SDK1: variants seen among roughly 807,000 people sequenced by gnomAD.
The protein encoded by SDK1 is protein sidekick-1.
Under a neutral mutation model 245.5 loss-of-function variants are expected in SDK1, and 157 were observed. That is an observed-to-expected ratio of 0.64 (90% CI 0.56 to 0.73). The LOEUF (loss-of-function observed/expected upper bound fraction) is 0.73. Among genes scored for constraint, SDK1 ranks in the 30% least tolerant of loss-of-function variants. The pLI is 0.00. For missense variants in SDK1, 3,583 were observed against 3,002.3 expected (o/e 1.19, Z -4.52); for synonymous variants, 1,647 against 1,278.5 (o/e 1.29, Z -6.15).
chr7:3,876,512 G>A (rs1781080391), intron 5 of SDK1, among the ~76,000 whole-genome samples: 2 of 152,118 alleles, frequency 1.3e-5, no homozygotes, highest in African/African-American at 4.8e-5. Flanking sequence ...TTAGAAACTG[G>A]TTCTAGGAAG....
At chr7:4,242,543 C>A (rs1199842898) in intron 43 of SDK1, among the ~76,000 whole-genome samples, 1 of 151,992 alleles carries the variant, frequency 6.6e-6, no homozygotes, top group Non-Finnish European at 1.5e-5. Context: ...GTACCCTTGA[C>A]CAAGGAGAAG....
At chr7:4,049,513 C>G in intron 18 of SDK1, 50 bp downstream of exon 18, 1 of 1,412,742 alleles carries the variant, frequency 7.1e-7, no homozygotes, top group Non-Finnish European at 1.0e-6. Flanking sequence ...TGTCTGGAGC[C>G]ACAGCGCGAC....
At chr7:3,674,374 G>GA (rs1461076356) in intron 4 of SDK1, among the ~76,000 whole-genome samples, 1 of 152,154 alleles carries the variant, frequency 6.6e-6, no homozygotes, top group African/African-American at 2.4e-5. Flanking sequence ...GAGACCTAGA[G>GA]AGGGCTGCTA....
chr7:3,933,123 C>CTTTTTTTTTTTTTTTTTTTT (rs11364780), intron 5 of SDK1, among the ~76,000 whole-genome samples: 1 of 83,260 alleles, frequency 1.2e-5, no homozygotes. Context: ...GCTCCTGGAT[C>CTTTTTTTTTTTTTTTTTTTT]TTTTTTTTTT....
At chr7:3,700,856 A>G (rs1199815401) in intron 4 of SDK1, among the ~76,000 whole-genome samples, 4 of 151,692 alleles carry the variant, frequency 2.6e-5, no homozygotes, top group African/African-American at 9.7e-5. Flanking sequence ...CCTTATTTCT[A>G]TTTTTTTGGT....
intron 4 of SDK1, among the ~76,000 whole-genome samples, chr7:3,720,320 C>T (rs946674934): frequency 2.0e-5 from 3 of 151,882 alleles, no homozygotes; most frequent in Non-Finnish European, 2.9e-5. Context: ...ATTTGTAAAC[C>T]ACGTACCTGA....
chr7:4,116,016 T>TG (rs1562833334), intron 25 of SDK1, among the ~76,000 whole-genome samples: 1 of 151,970 alleles, frequency 6.6e-6, no homozygotes, highest in Non-Finnish European at 1.5e-5. Context: ...GAGGTGGCTT[T>TG]GGGGGGCTGC....
At chr7:3,952,931 C>T (rs1267483991) in intron 7 of SDK1, among the ~76,000 whole-genome samples, 1 of 152,156 alleles carries the variant, frequency 6.6e-6, no homozygotes, top group Admixed American at 6.5e-5. Context: ...TTTCCAGCTA[C>T]TGTCATGCAT....
chr7:3,848,016 C>T (rs572397152), intron 5 of SDK1, among the ~76,000 whole-genome samples: 1 of 152,246 alleles, frequency 6.6e-6, no homozygotes, highest in East Asian at 1.9e-4. Context: ...TCTACCCATA[C>T]ACACATGTGC....
chr7:4,006,945 G>A (rs546613719), intron 14 of SDK1, among the ~76,000 whole-genome samples: 2 of 152,360 alleles, frequency 1.3e-5, no homozygotes, highest in East Asian at 3.9e-4. Flanking sequence ...CTCCAGGCTT[G>A]CTCTGCCTCT....
chr7:4,174,209 G>A lies in SDK1; in HGVS notation c.4801-13G>A, dbSNP rs769338954. ...TCCCATGGTGTGGCTGAGTCGGTGT[G>A]ATGTCTTTGCAGCCTCCGAGGGACG... is the stretch of plus-strand genomic sequence containing the variant. On this transcript the variant is annotated splice_polypyrimidine_tract_variant and intron_variant, in intron 32 of 44. Coordinates refer to ENST00000404826, the MANE Select transcript of SDK1 (RefSeq NM_152744.4). The A allele has an allele frequency of 6.2e-7, 1 of 1,613,902 alleles. No homozygotes were observed. Among genetic ancestry groups the A allele is most frequent in the Non-Finnish European group, 8.5e-7 (1 of 1,179,872 alleles).
rs564857658 is a variant in SDK1 at position 3,712,051 on chromosome 7, GA to G, written c.713+69950del. 1.2e-3 allele frequency among the ~76,000 whole-genome samples: 180 copies of G among 152,330 alleles called. 2 individuals are homozygous for G. Among genetic ancestry groups the G allele is most frequent in the African/African-American group, 4.1e-3 (171 of 41,570 alleles). ...TGAAACGGTTAATCCAGTGCTTGGAGAAAAGCAAATGCTCTACAGCAGAGGT... is the reference window on the plus strand; with the variant it reads ...TGAAACGGTTAATCCAGTGCTTGGAGAAAGCAAATGCTCTACAGCAGAGGT... On this transcript the variant is annotated intron_variant, in intron 4 of 44. Transcript: ENST00000404826.
chr7:3,750,129 A>G (rs1583372763), intron 4 of SDK1, among the ~76,000 whole-genome samples: 1 of 152,228 alleles, frequency 6.6e-6, no homozygotes, highest in East Asian at 1.9e-4. Context: ...ATGTTTGGTT[A>G]TTTTGACTGG....
intron 5 of SDK1, among the ~76,000 whole-genome samples, chr7:3,844,501 GTCGAGCTGGGCACCC>G (rs1209398151): frequency 1.1e-4 from 16 of 152,348 alleles, no homozygotes; most frequent in Middle Eastern, 3.4e-3. Context: ...CCAGGGAACT[GTCGAGCTGGGCACCC>G]ACAGTGTTGC....
chr7:3,416,292 T>C (rs1779363504), intron 1 of SDK1, among the ~76,000 whole-genome samples: 1 of 151,688 alleles, frequency 6.6e-6, no homozygotes, highest in Admixed American at 6.6e-5. Flanking sequence ...CAGGGAGGAG[T>C]TGGTCTCACT....
chr7:3,784,040 C>T (rs546231836), intron 4 of SDK1, among the ~76,000 whole-genome samples: 1 of 151,972 alleles, frequency 6.6e-6, no homozygotes, highest in South Asian at 2.1e-4. Flanking sequence ...GAAATGAACC[C>T]ATGCATATGA....
At chr7:3,595,759 C>T (rs1164396404) in intron 1 of SDK1, among the ~76,000 whole-genome samples, 1 of 125,226 alleles carries the variant, frequency 8.0e-6, no homozygotes, top group South Asian at 2.9e-4. Flanking sequence ...ACCCGGGAGG[C>T]GGAGCTTGCA....
At position 3,613,547 on chromosome 7, in the gene SDK1, G is replaced by A. The variant is rs552108315; in HGVS notation, c.299-5533G>A. On this transcript the variant is annotated intron_variant, in intron 1 of 44. Coordinates refer to ENST00000404826, the MANE Select transcript of SDK1 (RefSeq NM_152744.4). ...TTTGCATTTCTCTAATGGTGGGAGT[G>A]TAAATTAGTTCAGCCATTGTGGAAG... Among the ~76,000 whole-genome samples the A allele has an allele frequency of 6.6e-5, 10 of 152,196 alleles. No homozygotes were observed. In the East Asian group the frequency reaches 1.7e-3, roughly 26 times the overall value.
At chr7:4,153,623 A>G (rs1195239607) in intron 30 of SDK1, among the ~76,000 whole-genome samples, 5 of 152,162 alleles carry the variant, frequency 3.3e-5, no homozygotes, top group South Asian at 2.1e-4. Flanking sequence ...GGCCAAGGAT[A>G]TGATACATGA....
Sources: allele counts gnomAD v4.1 joint callset (sites outside exome capture counted in the v4.1 genomes callset), GRCh38; gene constraint gnomAD v4.1.1; transcripts MANE v1.5; gene names NCBI Gene and HGNC (gene_info 2026-07-23, HGNC 2026-07-21).